CDH13: variants seen among roughly 807,000 people sequenced by gnomAD.
CDH13 encodes the protein cadherin-13.
CDH13 carries 24 observed loss-of-function variants against 63.8 expected under a neutral mutation model. The ratio of observed to expected loss-of-function variants is 0.38; its 90% confidence interval spans 0.27 to 0.53. CDH13 has a LOEUF of 0.53. Among genes scored for constraint, CDH13 ranks in the 20% least tolerant of loss-of-function variants. The pLI, the probability that CDH13 is intolerant of heterozygous loss-of-function variation, is 0.85. For synonymous variants in CDH13, 503 were observed against 355.3 expected (o/e 1.42, Z -4.67); for missense variants, 1,049 against 903.1 (o/e 1.16, Z -2.07).
chr16:83,209,394 C>A (rs190973219), intron 4 of CDH13, among the ~76,000 whole-genome samples: 58 of 152,128 alleles, frequency 3.8e-4, no homozygotes, highest in African/African-American at 1.4e-3. Context: ...GGTGCATCCT[C>A]CACACAGAGT....
At chr16:83,763,589 A>G (rs254335) in intron 11 of CDH13, among the ~76,000 whole-genome samples, 44,001 of 151,928 alleles carry the variant, frequency 0.29, 6,461 homozygotes, top group Non-Finnish European at 0.32. Context: ...ATATAGTAAG[A>G]TTATTTAGAT....
Position 82,858,427 on chromosome 16 carries a change from T to C in CDH13, c.111T>C (p.His37=), listed in dbSNP as rs1216559025. ...CTPGFQQKVF[H]INQPAEFIED... is the part of the protein sequence containing the mutation. ...CTGGATTTCAGCAGAAAGTGTTCCA[T>C]ATCAATCAGCCAGCTGAATTCATTG... The change falls in exon 2 of 14, where the codon CAT becomes CAC. Residue 37 remains histidine, a synonymous_variant. Coordinates refer to ENST00000567109, the MANE Select transcript of CDH13 (RefSeq NM_001257.5). The C allele has an allele frequency of 1.2e-6, 2 of 1,613,782 alleles. No individual in the cohort carries two copies. Among genetic ancestry groups the C allele is most frequent in the South Asian group, 2.2e-5 (2 of 91,068 alleles).
intron 2 of CDH13, among the ~76,000 whole-genome samples, chr16:82,999,686 A>G (rs914983462): frequency 2.0e-5 from 3 of 152,232 alleles, no homozygotes; most frequent in African/African-American, 7.2e-5. Flanking sequence ...GTATTAAACA[A>G]ATGACATGTT....
At chr16:82,911,327 T>C (rs2041822659) in intron 2 of CDH13, among the ~76,000 whole-genome samples, 1 of 152,222 alleles carries the variant, frequency 6.6e-6, no homozygotes, top group African/African-American at 2.4e-5. Flanking sequence ...CAGCTGAGTA[T>C]AACCACTTGA....
At chr16:83,046,279 C>A (rs117948247) in intron 3 of CDH13, among the ~76,000 whole-genome samples, 1 of 152,142 alleles carries the variant, frequency 6.6e-6, no homozygotes, top group Non-Finnish European at 1.5e-5. Flanking sequence ...TTGCTTCTAT[C>A]TTTCTTAATT....
At chr16:83,130,716 T>C (rs1162716450) in intron 4 of CDH13, among the ~76,000 whole-genome samples, 1 of 152,110 alleles carries the variant, frequency 6.6e-6, no homozygotes, top group Non-Finnish European at 1.5e-5. Context: ...GACACAGGAG[T>C]TAGCATGCTG....
At chr16:83,083,126 C>T (rs2033363296) in intron 3 of CDH13, among the ~76,000 whole-genome samples, 1 of 152,170 alleles carries the variant, frequency 6.6e-6, no homozygotes, top group South Asian at 2.1e-4. Flanking sequence ...AGTAATTGGA[C>T]ATTTATAAGA....
At chr16:82,872,432 C>G (rs183165992) in intron 2 of CDH13, among the ~76,000 whole-genome samples, 2 of 152,178 alleles carry the variant, frequency 1.3e-5, no homozygotes, top group Non-Finnish European at 2.9e-5. Context: ...CAGGAACATA[C>G]GGATGTTACA....
intron 1 of CDH13, among the ~76,000 whole-genome samples, chr16:82,755,442 C>T (rs2034577571): frequency 6.6e-6 from 1 of 152,216 alleles, no homozygotes. Flanking sequence ...GCTGAAGTCT[C>T]TGAGGAGGTA....
chr16:83,111,409 G>T (rs536961763), intron 3 of CDH13, among the ~76,000 whole-genome samples: 3 of 152,126 alleles, frequency 2.0e-5, no homozygotes, highest in Admixed American at 6.5e-5. Context: ...TTAGACTAAA[G>T]CATAAATAAT....
intron 6 of CDH13, among the ~76,000 whole-genome samples, chr16:83,346,947 G>A (rs531164825): frequency 3.3e-5 from 5 of 152,286 alleles, no homozygotes; most frequent in South Asian, 2.1e-4. Flanking sequence ...TAAAGACTCA[G>A]GTGTCTGTAT....
chr16:83,139,384 G>A (rs1007015015), intron 4 of CDH13, among the ~76,000 whole-genome samples: 1 of 152,142 alleles, frequency 6.6e-6, no homozygotes, highest in Non-Finnish European at 1.5e-5. Context: ...TAACAGCTGT[G>A]TTCACTGTTG....
intron 1 of CDH13, among the ~76,000 whole-genome samples, chr16:82,663,997 C>G (rs1280744608): frequency 2.6e-5 from 4 of 152,204 alleles, no homozygotes; most frequent in Non-Finnish European, 5.9e-5. Context: ...TTTGGCTCCA[C>G]TTCTGCCTTT....
intron 5 of CDH13, among the ~76,000 whole-genome samples, chr16:83,230,032 A>G (rs552349293): frequency 2.0e-5 from 3 of 152,212 alleles, no homozygotes; most frequent in South Asian, 2.1e-4. Context: ...TCCTCCTTCA[A>G]TGGATCATTA....
intron 2 of CDH13, among the ~76,000 whole-genome samples, chr16:82,936,289 A>G (rs915738152): frequency 6.6e-6 from 1 of 152,158 alleles, no homozygotes; most frequent in African/African-American, 2.4e-5. Context: ...AAGCCTTACC[A>G]AGGATTCCCA....
intron 8 of CDH13, among the ~76,000 whole-genome samples, chr16:83,658,595 A>T (rs1247720030): frequency 3.5e-4 from 35 of 99,730 alleles, no homozygotes; most frequent in African/African-American, 1.3e-3. Context: ...AAGGTCCCAT[A>T]TCCTCACCAC....
intron 7 of CDH13, among the ~76,000 whole-genome samples, chr16:83,552,168 C>G (rs1266128759): frequency 2.0e-5 from 3 of 152,184 alleles, no homozygotes; most frequent in Admixed American, 6.5e-5. Context: ...TTCTGGAGTT[C>G]CAGGTACATG....
chr16:83,253,219 T>C (rs1009179063), intron 5 of CDH13, among the ~76,000 whole-genome samples: 3 of 152,220 alleles, frequency 2.0e-5, no homozygotes, highest in East Asian at 1.9e-4. Flanking sequence ...TTTTCTATTT[T>C]ATGATTCCGT....
At chr16:82,827,820 T>C (rs915485218) in intron 1 of CDH13, among the ~76,000 whole-genome samples, 6 of 152,176 alleles carry the variant, frequency 3.9e-5, no homozygotes, top group African/African-American at 1.4e-4. Flanking sequence ...GTGAGATTTA[T>C]GGTGTAGGAT....
Sources: gnomAD v4.1 joint callset for allele counts (sites outside exome capture counted in the v4.1 genomes callset) on GRCh38, gnomAD v4.1.1 for gene constraint, MANE v1.5 for transcripts, NCBI Gene and HGNC (gene_info 2026-07-23, HGNC 2026-07-21) for gene names.